The following AFF3 variants were observed in gnomAD, a reference collection of about 807,000 sequenced individuals.
The protein encoded by AFF3 is AF4/FMR2 family member 3.
Under a neutral mutation model 129.7 loss-of-function variants are expected in AFF3, and 32 were observed. That is an observed-to-expected ratio of 0.25 (90% CI 0.19 to 0.33). The LOEUF is 0.33. Ranked by LOEUF, AFF3 falls within the 10% of genes least tolerant of loss-of-function variation. The pLI is 1.00. For synonymous variants in AFF3, 644 were observed against 635.4 expected, an observed-to-expected ratio of 1.01 and a Z score of -0.20; for missense variants, 1,373 against 1,592.0, an observed-to-expected ratio of 0.86 and a Z score of 2.34.
At chr2:99,605,228 CCTAA>C (rs1018753547) in intron 13 of AFF3, among the ~76,000 whole-genome samples, 36 of 152,288 alleles carry the variant, frequency 2.4e-4, no homozygotes, top group East Asian at 1.2e-3. Context: ...GTTTTACTGG[CCTAA>C]CTATTATTTG....
At chr2:99,711,817 G>C (rs1464631697) in intron 11 of AFF3, among the ~76,000 whole-genome samples, 1 of 152,178 alleles carries the variant, frequency 6.6e-6, no homozygotes, top group African/African-American at 2.4e-5. Context: ...TTGGGAGGAA[G>C]CACAGGCAGT....
chr2:99,783,660 C>T (rs1684568806), intron 8 of AFF3, among the ~76,000 whole-genome samples: 1 of 152,252 alleles, frequency 6.6e-6, no homozygotes, highest in Non-Finnish European at 1.5e-5. Context: ...TTTAGCCTGA[C>T]TGCTTTTCTG....
At chr2:99,919,265 A>G (rs531095275) in intron 7 of AFF3, among the ~76,000 whole-genome samples, 1 of 152,288 alleles carries the variant, frequency 6.6e-6, no homozygotes, top group African/African-American at 2.4e-5. Flanking sequence ...TCCCACATCA[A>G]TGCCCACGGT....
At chr2:99,765,765 T>C in intron 8 of AFF3, among the ~76,000 whole-genome samples, 1 of 152,324 alleles carries the variant, frequency 6.6e-6, no homozygotes, top group South Asian at 2.1e-4. Flanking sequence ...TTTTAATCTA[T>C]TTTACTCTTT....
intron 11 of AFF3, among the ~76,000 whole-genome samples, chr2:99,695,938 G>GAAAAAAAAAAAAAAAAAAAAAAAAAAA (rs10719354): frequency 3.5e-5 from 2 of 57,648 alleles, no homozygotes; most frequent in African/African-American, 7.2e-5. Flanking sequence ...CTGGAAAAAT[G>GAAAAAAAAAAAAAAAAAAAAAAAAAAA]AAAAAAAAAA....
At chr2:100,095,891 G>C (rs915390615) in intron 4 of AFF3, among the ~76,000 whole-genome samples, 17 of 152,204 alleles carry the variant, frequency 1.1e-4, no homozygotes, top group African/African-American at 3.6e-4. Context: ...TCCGGTAACG[G>C]CGCAGAGAGA....
intron 12 of AFF3, among the ~76,000 whole-genome samples, chr2:99,665,076 G>A (rs368285783): frequency 3.7e-4 from 57 of 152,252 alleles, no homozygotes; most frequent in African/African-American, 1.3e-3. Flanking sequence ...TCCTGCAGGA[G>A]CTGGGAGAAG....
At chr2:100,091,037 C>G (rs961185912) in intron 4 of AFF3, among the ~76,000 whole-genome samples, 1 of 152,036 alleles carries the variant, frequency 6.6e-6, no homozygotes, top group Admixed American at 6.6e-5. Context: ...TACTCATGCC[C>G]TCTGATTCTG....
intron 8 of AFF3, among the ~76,000 whole-genome samples, chr2:99,792,772 C>T (rs970569032): frequency 6.6e-6 from 1 of 152,140 alleles, no homozygotes; most frequent in African/African-American, 2.4e-5. Flanking sequence ...ATTATACTGA[C>T]TGATTTTTGT....
intron 4 of AFF3, among the ~76,000 whole-genome samples, chr2:100,034,910 G>T (rs1034449751): frequency 1.3e-5 from 2 of 152,126 alleles, no homozygotes; most frequent in African/African-American, 4.8e-5. Context: ...GTATTGTAGG[G>T]CCTGGTTGTA....
chr2:100,006,569 C>A, intron 7 of AFF3, 63 bp downstream of exon 7: 2 of 1,495,994 alleles, frequency 1.3e-6, no homozygotes, highest in Non-Finnish European at 1.8e-6. Flanking sequence ...ACTGAATTCA[C>A]GAGGGTCAAA....
intron 7 of AFF3, among the ~76,000 whole-genome samples, chr2:99,937,954 C>T (rs139071112): frequency 1.8e-4 from 27 of 152,084 alleles, no homozygotes; most frequent in African/African-American, 6.5e-4. Flanking sequence ...TCTTTTAATA[C>T]TGGTAAATTT....
At chr2:99,832,586 T>C (rs977082048) in intron 8 of AFF3, among the ~76,000 whole-genome samples, 1 of 152,216 alleles carries the variant, frequency 6.6e-6, no homozygotes, top group African/African-American at 2.4e-5. Context: ...CCCCAAAGGA[T>C]TAGCATAATA....
At chr2:99,559,058 C>T (rs1675225568) in intron 21 of AFF3, 90 bp from the exon 22 acceptor site, 1 of 1,124,958 alleles carries the variant, frequency 8.9e-7, no homozygotes, top group Non-Finnish European at 1.3e-6. Context: ...TTCTAAGGTA[C>T]TCAATAACAA....
intron 4 of AFF3, among the ~76,000 whole-genome samples, chr2:100,025,464 A>C (rs774367797): frequency 6.6e-6 from 1 of 152,166 alleles, no homozygotes; most frequent in Non-Finnish European, 1.5e-5. Context: ...TGTTAAAATG[A>C]CCATACTGCC....
At chr2:99,715,619 T>C (rs1678300938) in intron 11 of AFF3, among the ~76,000 whole-genome samples, 1 of 152,046 alleles carries the variant, frequency 6.6e-6, no homozygotes, top group South Asian at 2.1e-4. Flanking sequence ...TATTTTTTCC[T>C]CCGAGGAGTT....
intron 8 of AFF3, among the ~76,000 whole-genome samples, chr2:99,801,178 A>G (rs1685918832): frequency 6.6e-6 from 1 of 152,158 alleles, no homozygotes; most frequent in African/African-American, 2.4e-5. Flanking sequence ...GATACTTCCT[A>G]TTTCTTCCTA....
At chr2:100,128,884 C>A (rs924177487) in intron 2 of AFF3, among the ~76,000 whole-genome samples, 1 of 152,112 alleles carries the variant, frequency 6.6e-6, no homozygotes, top group East Asian at 1.9e-4. Context: ...GGTCTCAGCA[C>A]GGAGATATTT....
chr2:99,562,515 C>A (rs1314849146), intron 20 of AFF3, among the ~76,000 whole-genome samples: 1 of 152,152 alleles, frequency 6.6e-6, no homozygotes, highest in African/African-American at 2.4e-5. Flanking sequence ...AAATAACTTC[C>A]ATTTCTTTGA....
Sources: allele counts gnomAD v4.1 joint callset (sites outside exome capture counted in the v4.1 genomes callset), GRCh38; gene constraint gnomAD v4.1.1; transcripts MANE v1.5; gene names NCBI Gene and HGNC (gene_info 2026-07-23, HGNC 2026-07-21).